The following BRD10 variants were observed in gnomAD, a reference collection of about 807,000 sequenced individuals.
BRD10 encodes bromodomain containing 10.
At chr9:5,914,081 A>G in the BRD10 span, 1 of 449,998 alleles carries the variant, frequency 2.2e-6, no homozygotes, top group Non-Finnish European at 4.4e-6. Context: ...AGAAAAGAAA[A>G]TGATCACAAT....
chr9:5,995,359 A>C, the BRD10 span, among the ~76,000 whole-genome samples: 1 of 152,198 alleles, frequency 6.6e-6, no homozygotes, highest in African/African-American at 2.4e-5. Flanking sequence ...TCCTTACTTT[A>C]TGTTTCAGTG....
the BRD10 span, among the ~76,000 whole-genome samples, chr9:5,988,717 A>G: frequency 6.7e-6 from 1 of 149,572 alleles, no homozygotes; most frequent in Non-Finnish European, 1.5e-5. Context: ...CATACTCCTT[A>G]TGTCATAAAA....
the BRD10 span, chr9:5,945,075 GT>G: frequency 4.3e-6 from 2 of 464,600 alleles, no homozygotes; most frequent in Non-Finnish European, 7.6e-6. Context: ...CTCTGTAATA[GT>G]AAAAAGCAAG....
the BRD10 span, among the ~76,000 whole-genome samples, chr9:5,885,332 A>G: frequency 6.6e-6 from 1 of 151,936 alleles, no homozygotes; most frequent in African/African-American, 2.4e-5. Context: ...GCCTTTCTCA[A>G]TGAACAACTT....
chr9:5,967,707 A>AAG, the BRD10 span, among the ~76,000 whole-genome samples: 1 of 151,374 alleles, frequency 6.6e-6, no homozygotes, highest in South Asian at 2.1e-4. Flanking sequence ...AAAAAAAAAA[A>AAG]AAAACACACA....
At chr9:5,907,017 T>G in the BRD10 span, 2 of 1,497,494 alleles carry the variant, frequency 1.3e-6, no homozygotes, top group Non-Finnish European at 1.8e-6. Flanking sequence ...AGATCCTTCA[T>G]AAGGGTATTT....
chr9:5,988,449 C>G, the BRD10 span: 1 of 1,613,900 alleles, frequency 6.2e-7, no homozygotes, highest in Non-Finnish European at 8.5e-7. Flanking sequence ...GCGGTGTTGA[C>G]CGACGCCTTG....
chr9:5,943,106 G>C, the BRD10 span, among the ~76,000 whole-genome samples: 1 of 151,942 alleles, frequency 6.6e-6, no homozygotes, highest in African/African-American at 2.4e-5. Context: ...CGAGCTCCTG[G>C]GCTCAAGAAA....
chr9:5,936,314 T>TA, the BRD10 span, among the ~76,000 whole-genome samples: 1 of 152,120 alleles, frequency 6.6e-6, no homozygotes, highest in African/African-American at 2.4e-5. Flanking sequence ...AAAATCACAC[T>TA]ACTGCACTCT....
chr9:5,920,625 G>A, the BRD10 span: 2 of 1,613,954 alleles, frequency 1.2e-6, no homozygotes, highest in Non-Finnish European at 1.7e-6. Flanking sequence ...GAAATCCCTG[G>A]TGAATGGAAC....
chr9:5,950,759 G>A, the BRD10 span, among the ~76,000 whole-genome samples: 3 of 151,926 alleles, frequency 2.0e-5, no homozygotes, highest in Non-Finnish European at 4.4e-5. Context: ...TGAACCCTGC[G>A]GATACCAAAA....
chr9:5,924,698 T>G, the BRD10 span: 1 of 1,555,908 alleles, frequency 6.4e-7, no homozygotes, highest in African/African-American at 1.4e-5. Flanking sequence ...CCAGAGGTTC[T>G]GTTGAGTCTA....
chr9:5,973,519 A>C, the BRD10 span, among the ~76,000 whole-genome samples: 107 of 152,344 alleles, frequency 7.0e-4, 1 homozygote, highest in African/African-American at 2.5e-3. Flanking sequence ...GTAATAGCAA[A>C]TAAGCTGGGA....
chr9:5,922,176 T>C, the BRD10 span: 2 of 1,613,990 alleles, frequency 1.2e-6, no homozygotes, highest in Non-Finnish European at 1.7e-6. Flanking sequence ...GAATCTCTTA[T>C]GCACACAGTT....
At chr9:5,942,081 T>C in the BRD10 span, among the ~76,000 whole-genome samples, 1 of 152,082 alleles carries the variant, frequency 6.6e-6, no homozygotes, top group African/African-American at 2.4e-5. Context: ...TCATAGATAA[T>C]GAATGTTGAT....
At chr9:5,940,870 A>T in the BRD10 span, among the ~76,000 whole-genome samples, 1 of 152,230 alleles carries the variant, frequency 6.6e-6, no homozygotes, top group African/African-American at 2.4e-5. Flanking sequence ...TAAAAGATGT[A>T]TTAGAAAAGA....
the BRD10 span, among the ~76,000 whole-genome samples, chr9:5,976,819 T>G: frequency 6.6e-6 from 1 of 150,560 alleles, no homozygotes; most frequent in East Asian, 1.9e-4. Flanking sequence ...AGTGCATACA[T>G]GACTAACATC....
the BRD10 span, among the ~76,000 whole-genome samples, chr9:5,951,558 T>C: frequency 6.6e-6 from 1 of 152,182 alleles, no homozygotes; most frequent in Non-Finnish European, 1.5e-5. Context: ...ATGCTAGAAA[T>C]GTGATATTTA....
the BRD10 span, among the ~76,000 whole-genome samples, chr9:5,957,516 T>C: frequency 6.6e-6 from 1 of 152,148 alleles, no homozygotes; most frequent in African/African-American, 2.4e-5. Flanking sequence ...AAGAAACTGA[T>C]GGAGGAGCTG....
Sources: gnomAD v4.1 joint callset for allele counts (sites outside exome capture counted in the v4.1 genomes callset) on GRCh38, gnomAD v4.1.1 for gene constraint, MANE v1.5 for transcripts, NCBI Gene and HGNC (gene_info 2026-07-23, HGNC 2026-07-21) for gene names.